Variants in RGS5 observed in about 807,000 individuals in gnomAD.
RGS5 encodes the protein regulator of G-protein signalling 5.
A neutral mutation model predicts 18.9 loss-of-function variants in RGS5; 20 were observed. The ratio of observed to expected loss-of-function variants is 1.06; its 90% CI spans 0.74 to 1.54. The LOEUF is 1.54. Among genes scored for constraint, RGS5 ranks in the 40% most tolerant of loss-of-function variants. The pLI, the probability that RGS5 is intolerant of heterozygous loss-of-function variation, is 0.00. For synonymous variants in RGS5, 57 were observed against 76.2 expected, an observed-to-expected ratio of 0.75 and a Z score of 1.31; for missense variants, 201 against 211.8, an observed-to-expected ratio of 0.95 and a Z score of 0.32.
intron 2 of RGS5, among the ~76,000 whole-genome samples, chr1:163,261,150 G>A (rs891958479): frequency 6.6e-6 from 1 of 152,192 alleles, no homozygotes; most frequent in African/African-American, 2.4e-5. Flanking sequence ...AACGTTGTGT[G>A]CTTCCTCTTC....
At chr1:163,198,811 TTTA>T (rs1201370361) in intron 1 of RGS5, among the ~76,000 whole-genome samples, 1 of 151,936 alleles carries the variant, frequency 6.6e-6, no homozygotes, top group East Asian at 1.9e-4. Flanking sequence ...TTGTGGTGTT[TTTA>T]TTTATTTATT....
intron 2 of RGS5, among the ~76,000 whole-genome samples, chr1:163,259,194 C>T (rs1474128901): frequency 6.6e-6 from 1 of 151,998 alleles, no homozygotes; most frequent in African/African-American, 2.4e-5. Flanking sequence ...CTCTGTTGGC[C>T]AGGCTGAAGT....
intron 4 of RGS5, among the ~76,000 whole-genome samples, chr1:163,148,184 C>T (rs547568717): frequency 7.9e-5 from 12 of 152,154 alleles, no homozygotes. Flanking sequence ...GCCTCGGCCT[C>T]CCAAAGTGCT....
Position 163,210,130 on chromosome 1 carries a change from C to T in RGS5, c.69+7396G>A, listed in dbSNP as rs1410423075. On this transcript the variant is annotated intron_variant, in intron 1 of 5. Coordinates refer to the RGS5 transcript ENST00000367903. ...TCAACTTCCCAAGTTCCTAGGACTA[C>T]AGATATGCACCACCACGCCCAACTA... 2.0e-5 allele frequency among the ~76,000 whole-genome samples: 3 copies of T among 151,856 alleles called. No homozygotes were observed. In the East Asian group the frequency reaches 5.8e-4, roughly 29 times the overall value.
At chr1:163,250,304 G>A (rs1337762697) in intron 2 of RGS5, among the ~76,000 whole-genome samples, 1 of 152,198 alleles carries the variant, frequency 6.6e-6, no homozygotes, top group African/African-American at 2.4e-5. Flanking sequence ...AAGAAAAAAA[G>A]AGCCAAAGAC....
chr1:163,187,373 C>T (rs1012400912), intron 1 of RGS5, among the ~76,000 whole-genome samples: 2 of 152,142 alleles, frequency 1.3e-5, no homozygotes, highest in Non-Finnish European at 2.9e-5. Flanking sequence ...CATTGGTTTT[C>T]GTCCACAGTT....
At chr1:163,261,772 A>G (rs1648443174) in intron 2 of RGS5, among the ~76,000 whole-genome samples, 1 of 152,230 alleles carries the variant, frequency 6.6e-6, no homozygotes, top group East Asian at 1.9e-4. Context: ...GTTGGCTTAT[A>G]TAGAACTATT....
At chr1:163,170,576 A>T (rs1323958739) in intron 1 of RGS5, among the ~76,000 whole-genome samples, 1 of 152,224 alleles carries the variant, frequency 6.6e-6, no homozygotes, top group Non-Finnish European at 1.5e-5. Flanking sequence ...TTAGGGAAAA[A>T]AAATGTAAGG....
chr1:163,283,403 C>T (rs1240303522), intron 2 of RGS5, among the ~76,000 whole-genome samples: 2 of 152,078 alleles, frequency 1.3e-5, no homozygotes, highest in East Asian at 3.9e-4. Context: ...CACTCTGCAG[C>T]CCATGACTAT....
intron 2 of RGS5, among the ~76,000 whole-genome samples, chr1:163,271,372 A>T (rs1314405012): frequency 6.6e-6 from 1 of 152,102 alleles, no homozygotes; most frequent in East Asian, 1.9e-4. Context: ...CCCATGATGG[A>T]ATCAGTGTTC....
At chr1:163,156,109 C>A (rs1402757070) in intron 3 of RGS5, among the ~76,000 whole-genome samples, 1 of 152,080 alleles carries the variant, frequency 6.6e-6, no homozygotes, top group Non-Finnish European at 1.5e-5. Flanking sequence ...ATCTCTTCAA[C>A]CAGGGGGGAT....
rs10799901 is a variant in RGS5, at chr1:163,165,916, C to A, written c.155+2342G>T. ...GCGAAATTCCGTCTCAAAAAAAAAACAAAAAAAAAACAGTAGGTCAACTGG... is the reference window on the plus strand; with the variant it reads ...GCGAAATTCCGTCTCAAAAAAAAAAAAAAAAAAAAACAGTAGGTCAACTGG... On this transcript the variant is annotated intron_variant, in intron 2 of 4. Coordinates refer to ENST00000313961, the MANE Select transcript of RGS5 (RefSeq NM_003617.4). Among the ~76,000 whole-genome samples the A allele has an allele frequency of 7.0e-3, 434 of 62,034 alleles. 2 individuals are homozygous for A. The highest frequency in any genetic ancestry group is 0.014 in the South Asian group (20 of 1,464). The allele number at this position is 62,034 out of a possible 152,430, so 40.7% of individuals were successfully genotyped here.
At chr1:163,281,422 C>G (rs1323371815) in intron 2 of RGS5, among the ~76,000 whole-genome samples, 1 of 152,126 alleles carries the variant, frequency 6.6e-6, no homozygotes, top group Non-Finnish European at 1.5e-5. Context: ...ACAAGGCAAA[C>G]AAGGAGCTGC....
intron 1 of RGS5, among the ~76,000 whole-genome samples, chr1:163,215,556 A>C (rs1180750740): frequency 6.6e-6 from 1 of 152,182 alleles, no homozygotes; most frequent in Admixed American, 6.6e-5. Flanking sequence ...CAAATTACAA[A>C]AGTGTAGTTA....
intron 4 of RGS5, among the ~76,000 whole-genome samples, chr1:163,151,748 C>T (rs1657381942): frequency 6.6e-6 from 1 of 152,184 alleles, no homozygotes; most frequent in South Asian, 2.1e-4. Flanking sequence ...TCAATTAAAC[C>T]TCTTTCCTTT....
intron 3 of RGS5, among the ~76,000 whole-genome samples, chr1:163,158,291 G>A (rs1278796381): frequency 6.6e-6 from 1 of 152,122 alleles, no homozygotes; most frequent in Non-Finnish European, 1.5e-5. Context: ...GAGAAGCAAA[G>A]GGCAAAGACA....
Position 163,245,928 on chromosome 1 carries a change from A to T in RGS5, c.-281+60305T>A, listed in dbSNP as rs942794121. Among the ~76,000 whole-genome samples, 19 of 152,356 alleles carry T rather than the reference A, an allele frequency of 1.2e-4. No homozygotes were observed. The South Asian group carries it at 2.3e-3, about 18-fold the overall frequency. On this transcript the variant is annotated intron_variant, in intron 2 of 5. Coordinates refer to the RGS5 transcript ENST00000618415. ...AACAAGCAGCCATTTGTGAGAAAGA[A>T]TACCAGTCCGGGGGCTGTGGCTCAC...
intron 3 of RGS5, among the ~76,000 whole-genome samples, chr1:163,159,323 T>G (rs1657710736): frequency 2.0e-5 from 3 of 152,184 alleles, no homozygotes; most frequent in Admixed American, 2.0e-4. Context: ...GGGGAAGTGA[T>G]AAGTGTCCAT....
chr1:163,217,559 G>C, exon 1 of RGS5: 1 of 1,547,166 alleles, frequency 6.5e-7, no homozygotes, highest in East Asian at 2.5e-5. Context: ...GCATCTGTAA[G>C]ATGAGAATAT....
Sources: allele counts gnomAD v4.1 joint callset (sites outside exome capture counted in the v4.1 genomes callset), GRCh38; gene constraint gnomAD v4.1.1; transcripts MANE v1.5; gene names NCBI Gene and HGNC (gene_info 2026-07-23, HGNC 2026-07-21).